The following RSPO3 variants were observed in gnomAD, a reference collection of about 807,000 sequenced individuals.
The protein encoded by RSPO3 is R-spondin 3, also known as R-spondin-3.
In RSPO3, 17 loss-of-function variants were observed where a neutral mutation model predicts 36.5. That is an observed-to-expected ratio of 0.47 (90% CI 0.32 to 0.70). The LOEUF (loss-of-function observed/expected upper bound fraction) is 0.70. Among genes scored for constraint, RSPO3 ranks in the 30% least tolerant of loss-of-function variants. The probability of loss-of-function intolerance (pLI) is 0.04; values close to 1 mark genes in which losing one functional copy is unlikely to be tolerated. For missense variants in RSPO3, 294 were observed against 322.5 expected, an observed-to-expected ratio of 0.91 and a Z score of 0.68; for synonymous variants, 108 against 107.0, an observed-to-expected ratio of 1.01 and a Z score of -0.06.
At chr6:127,169,788 T>C (rs533011039) in intron 4 of RSPO3, among the ~76,000 whole-genome samples, 2 of 152,034 alleles carry the variant, frequency 1.3e-5, no homozygotes, top group East Asian at 3.9e-4. Flanking sequence ...GTTAATTCAA[T>C]TTGTGGAGCT....
Position 127,159,644 on chromosome 6 carries a change from CTTTTTT to C in RSPO3, c.634+4223_634+4228del, listed in dbSNP as rs869033594. On this transcript the variant is annotated intron_variant, in intron 4 of 4. Transcript: ENST00000356698. ...ATATAAAGGCATTACATACATTCTC[CTTTTTT>C]TTTTTTTTTTTTTTTTGAGATGGGG... 4.1e-5 allele frequency among the ~76,000 whole-genome samples: 5 copies of C among 123,284 alleles called. No individual in the cohort carries two copies. In the East Asian group the frequency reaches 9.0e-4, roughly 22 times the overall value. The allele number at this position is 123,284 out of a possible 152,430, so 80.9% of individuals were successfully genotyped here.
At chr6:127,168,364 C>A (rs867487923) in intron 4 of RSPO3, among the ~76,000 whole-genome samples, 1 of 117,574 alleles carries the variant, frequency 8.5e-6, no homozygotes, top group African/African-American at 2.9e-5. Flanking sequence ...TGATGATGAG[C>A]ATTTTTTTCA....
At chr6:127,139,618 A>C (rs1422212526) in intron 1 of RSPO3, among the ~76,000 whole-genome samples, 1 of 152,188 alleles carries the variant, frequency 6.6e-6, no homozygotes, top group African/African-American at 2.4e-5. Flanking sequence ...ACCTTAAAAA[A>C]AAATGGAATG....
Position 127,196,992 on chromosome 6 carries a change from T to G in RSPO3, c.*985T>G, listed in dbSNP as rs1414578913. 2.5e-5 allele frequency: 4 copies of G among 157,868 alleles called. No homozygotes were observed. Among genetic ancestry groups the G allele is most frequent in the African/African-American group, 9.6e-5 (4 of 41,502 alleles). 9.8% of individuals were successfully genotyped at this position (157,868 alleles called of 1,614,324 possible). A position where few individuals can be genotyped will look rare whatever the true frequency, so the allele number is the denominator to read the frequency against. ...CTATTTTCTAACAAGGTATATCTAG[T>G]AGGGGAGAAAGCCACCACAATAAAT... On this transcript the variant is annotated 3_prime_UTR_variant, in exon 5 of 5. Transcript: ENST00000356698.
At position 127,122,049 on chromosome 6, in the gene RSPO3, A is replaced by G. The variant is rs374679467; in HGVS notation, c.97+2760A>G. 1.1e-4 allele frequency among the ~76,000 whole-genome samples: 17 copies of G among 152,346 alleles called. No homozygotes were observed. The East Asian group carries it at 3.1e-3, about 28-fold the overall frequency. On this transcript the variant is annotated intron_variant, in intron 1 of 4. Coordinates refer to ENST00000356698, the MANE Select transcript of RSPO3 (RefSeq NM_032784.5). Reference sequence around the variant, plus strand: ...AGTAGGAAACTTTTTTGTAAACAAGAACATTCATTTGAAGTGTTAAATATT... The same window carrying G: ...AGTAGGAAACTTTTTTGTAAACAAGGACATTCATTTGAAGTGTTAAATATT...
At position 127,196,027 on chromosome 6, in the gene RSPO3, G is replaced by T. The variant is rs544799708; in HGVS notation, c.*20G>T. 6.4e-7 allele frequency: 1 copy of T among 1,568,892 alleles called. No homozygotes were observed. The highest frequency in any genetic ancestry group is 8.7e-7 in the Non-Finnish European group (1 of 1,155,030). On this transcript the variant is annotated 3_prime_UTR_variant, in exon 5 of 5. Coordinates refer to ENST00000356698, the MANE Select transcript of RSPO3 (RefSeq NM_032784.5). ...CACTAGAGGGTTCCATGAGATTATT[G>T]TAGACTCATGATGCTGCTATCTCAA... is the stretch of plus-strand genomic sequence containing the variant.
chr6:127,149,143 C>T (rs913440706), intron 2 of RSPO3, among the ~76,000 whole-genome samples: 1 of 152,044 alleles, frequency 6.6e-6, no homozygotes. Context: ...TTTCCATTAT[C>T]AACACAAAAT....
intron 1 of RSPO3, among the ~76,000 whole-genome samples, chr6:127,122,228 A>G (rs939954678): frequency 2.0e-5 from 3 of 152,324 alleles, no homozygotes; most frequent in Non-Finnish European, 4.4e-5. Context: ...TTCTTCTCAT[A>G]AAAGAAACAA....
chr6:127,152,939 C>T (rs1582797145), intron 3 of RSPO3, among the ~76,000 whole-genome samples: 1 of 152,038 alleles, frequency 6.6e-6, no homozygotes, highest in Non-Finnish European at 1.5e-5. Flanking sequence ...GGGACATTCC[C>T]TTGCTATGTT....
At chr6:127,175,966 T>C (rs1486190482) in intron 4 of RSPO3, among the ~76,000 whole-genome samples, 1 of 151,734 alleles carries the variant, frequency 6.6e-6, no homozygotes, top group Non-Finnish European at 1.5e-5. Flanking sequence ...ATTTTAAAAA[T>C]CACTATTATT....
At chr6:127,119,590 C>T (rs1290200853) in intron 1 of RSPO3, among the ~76,000 whole-genome samples, 2 of 152,256 alleles carry the variant, frequency 1.3e-5, no homozygotes, top group Admixed American at 6.5e-5. Flanking sequence ...GACTCGCACC[C>T]GGGATTTGTG....
chr6:127,177,110 A>G (rs1429120649), intron 4 of RSPO3, among the ~76,000 whole-genome samples: 1 of 151,948 alleles, frequency 6.6e-6, no homozygotes, highest in East Asian at 1.9e-4. Context: ...AGAGACTGCT[A>G]AGTCTATTGC....
rs1429090589 is a variant in RSPO3 at position 127,197,242 on chromosome 6, T to C, written c.*1235T>C. ...GATTTACTTATAGCGTATTAGGAGA[T>C]ATTTATTCCATTTTCTTATTTTAAT... On this transcript the variant is annotated 3_prime_UTR_variant, in exon 5 of 5. Transcript: ENST00000356698. 9 of 688,952 alleles carry C rather than the reference T, an allele frequency of 1.3e-5. No individual in the cohort carries two copies. Among genetic ancestry groups the C allele is most frequent in the Non-Finnish European group, 2.1e-5 (9 of 425,106 alleles). 42.7% of individuals were successfully genotyped at this position (688,952 alleles called of 1,614,324 possible). A position where few individuals can be genotyped will look rare whatever the true frequency, so the allele number is the denominator to read the frequency against.
intron 3 of RSPO3, among the ~76,000 whole-genome samples, chr6:127,152,629 T>G (rs1774512262): frequency 6.6e-6 from 1 of 152,090 alleles, no homozygotes; most frequent in African/African-American, 2.4e-5. Context: ...GTATTTCTAC[T>G]TTTCTATCGA....
chr6:127,186,749 G>C (rs181641578), intron 4 of RSPO3, among the ~76,000 whole-genome samples: 4 of 152,102 alleles, frequency 2.6e-5, no homozygotes, highest in Non-Finnish European at 4.4e-5. Context: ...CTAATTTATC[G>C]CAAATAATGT....
In RSPO3 at chr6:127,197,349, C is replaced by T. The variant is rs1775534920; in HGVS notation, c.*1342C>T. On this transcript the variant is annotated 3_prime_UTR_variant, in exon 5 of 5. Transcript: ENST00000356698. Reference sequence around the variant, plus strand: ...CATTGCTTAGAAATGGGCATCATTTCTTGTATGTCAGATCCCCCTGCATCT... The same window carrying T: ...CATTGCTTAGAAATGGGCATCATTTTTTGTATGTCAGATCCCCCTGCATCT... 1 of 1,526,176 alleles carries T rather than the reference C, an allele frequency of 6.6e-7. No homozygotes were observed. The highest frequency in any genetic ancestry group is 1.4e-5 in the African/African-American group (1 of 72,566). The allele number at this position is 1,526,176 out of a possible 1,614,324, so 94.5% of individuals were successfully genotyped here.
chr6:127,168,274 G>T (rs543591729), intron 4 of RSPO3, among the ~76,000 whole-genome samples: 2 of 152,184 alleles, frequency 1.3e-5, no homozygotes, highest in East Asian at 3.9e-4. Context: ...GTTGTTTCCT[G>T]ACTTATTAAT....
At position 127,132,774 on chromosome 6, in the gene RSPO3, T is replaced by C. The variant is rs1316073382; in HGVS notation, c.97+13485T>C. On this transcript the variant is annotated intron_variant, in intron 1 of 4. Transcript: ENST00000356698. ...CCAGTGTTCCCTTTCTGTGCTTTCC[T>C]GTTTGCACAGCATTTTCAAGTGTTT... Among the ~76,000 whole-genome samples the C allele has an allele frequency of 7.2e-5, 11 of 152,262 alleles. No homozygotes were observed. The East Asian group carries it at 2.1e-3, about 29-fold the overall frequency.
intron 4 of RSPO3, among the ~76,000 whole-genome samples, chr6:127,176,566 C>A (rs1007780121): frequency 2.0e-5 from 3 of 151,104 alleles, no homozygotes; most frequent in Admixed American, 6.6e-5. Context: ...CAAACAAATA[C>A]AAAGAATAAG....
Sources: allele counts gnomAD v4.1 joint callset (sites outside exome capture counted in the v4.1 genomes callset), GRCh38; gene constraint gnomAD v4.1.1; transcripts MANE v1.5; gene names NCBI Gene and HGNC (gene_info 2026-07-23, HGNC 2026-07-21).